The following DSN1 variants were observed in gnomAD, a reference collection of about 807,000 sequenced individuals.
The protein encoded by DSN1 is DSN1 component of MIS12 kinetochore complex, also known as kinetochore-associated protein DSN1 homolog.
A neutral mutation model predicts 45.7 loss-of-function variants in DSN1; 31 were observed. The observed-to-expected ratio is 0.68, with a 90% CI of 0.51 to 0.92. DSN1 has a LOEUF of 0.92. Among genes scored for constraint, DSN1 ranks in the 40% least tolerant of loss-of-function variants. The pLI, the probability that DSN1 is intolerant of heterozygous loss-of-function variation, is 0.00. For missense variants in DSN1, 394 were observed against 414.2 expected (o/e 0.95, Z 0.42); for synonymous variants, 134 against 142.3 (o/e 0.94, Z 0.41).
intron 3 of DSN1, among the ~76,000 whole-genome samples, chr20:36,769,262 C>T (rs1347898317): frequency 6.6e-6 from 1 of 152,152 alleles, no homozygotes; most frequent in Non-Finnish European, 1.5e-5. Flanking sequence ...TCTTTTTGCC[C>T]TCTAGCTTCA....
At chr20:36,754,916 C>G in intron 9 of DSN1, 66 bp from the exon 10 acceptor site, 1 of 1,394,332 alleles carries the variant, frequency 7.2e-7, no homozygotes, top group African/African-American at 1.4e-5. Context: ...TCAAACCTGA[C>G]AAGCAAGCTC....
chr20:36,769,347 C>T (rs991808785), intron 3 of DSN1, among the ~76,000 whole-genome samples: 2 of 152,192 alleles, frequency 1.3e-5, no homozygotes, highest in African/African-American at 4.8e-5. Flanking sequence ...TACTTTCTGC[C>T]TATAACCAAG....
intron 1 of DSN1, 43 bp downstream of exon 1, chr20:36,773,619 G>A: frequency 2.0e-6 from 2 of 985,690 alleles, no homozygotes; most frequent in East Asian, 1.1e-4. Context: ...CAGAGGACAA[G>A]TCTGTGACTT....
intron 9 of DSN1, among the ~76,000 whole-genome samples, chr20:36,755,420 A>G (rs75741305): frequency 0.04 from 6,052 of 152,002 alleles, 444 homozygotes; most frequent in African/African-American, 0.14. Flanking sequence ...ACCTCAGAGG[A>G]GCCTTCAATA....
rs750179726 is a variant in DSN1 at position 36,752,911 on chromosome 20, A to G, written c.962-14T>C. 5.0e-6 allele frequency: 8 copies of G among 1,597,524 alleles called. No homozygotes were observed. Among genetic ancestry groups the G allele is most frequent in the African/African-American group, 2.7e-5 (2 of 74,528 alleles). On this transcript the variant is annotated splice_polypyrimidine_tract_variant and intron_variant, in intron 10 of 10. Coordinates refer to ENST00000373750, the MANE Select transcript of DSN1 (RefSeq NM_001145315.2). ...TGCTTCTCTTTCCTGCAGAGAAAAG[A>G]GGCCAAAAAATAAATTTCAATTGAA...
intron 6 of DSN1, 97 bp downstream of exon 6, chr20:36,762,364 C>T: frequency 9.7e-7 from 1 of 1,031,018 alleles, no homozygotes. Flanking sequence ...CCCACCTCGG[C>T]CTCCCAAAGT....
At chr20:36,758,017 C>T in intron 8 of DSN1, 70 bp downstream of exon 8, 1 of 1,407,262 alleles carries the variant, frequency 7.1e-7, no homozygotes. Flanking sequence ...TTTGTGCTAA[C>T]AGAACTGAAA....
intron 1 of DSN1, among the ~76,000 whole-genome samples, chr20:36,772,579 C>T (rs1047533529): frequency 1.3e-5 from 2 of 152,198 alleles, no homozygotes; most frequent in Non-Finnish European, 2.9e-5. Context: ...CCTGAGCCAC[C>T]ACACCCGGCC....
At chr20:36,767,924 G>T in intron 4 of DSN1, 45 bp downstream of exon 4, 1 of 1,569,040 alleles carries the variant, frequency 6.4e-7, no homozygotes, top group Non-Finnish European at 8.8e-7. Flanking sequence ...TGTCACAATA[G>T]CAGTTAACAA....
chr20:36,758,125 C>T lies in DSN1; in HGVS notation c.687G>A (p.Leu229=). ...SLERQTWDQL[L]LHYQQEAKEI... ...CTTTAGCCTCCTGCTGGTAGTGAAG[C>T]AAGAGCTGATCCCAAGTCTGACGTT... is the stretch of plus-strand genomic sequence containing the variant. The change falls in exon 8 of 11, where the codon TTG becomes TTA. Residue 229 remains leucine, a synonymous_variant. Coordinates refer to ENST00000373750, the MANE Select transcript of DSN1 (RefSeq NM_001145315.2). The T allele has an allele frequency of 1.2e-6, 2 of 1,614,046 alleles. No homozygotes were observed. Among genetic ancestry groups the T allele is most frequent in the Middle Eastern group, 1.6e-4 (1 of 6,062 alleles).
intron 4 of DSN1, 75 bp downstream of exon 4, chr20:36,767,894 T>G: frequency 6.9e-7 from 1 of 1,453,594 alleles, no homozygotes; most frequent in Non-Finnish European, 9.6e-7. Context: ...AGAGTCAGGC[T>G]CCATCTAAAA....
intron 6 of DSN1, among the ~76,000 whole-genome samples, chr20:36,759,345 G>A: frequency 6.6e-6 from 1 of 152,058 alleles, no homozygotes; most frequent in Non-Finnish European, 1.5e-5. Flanking sequence ...AAACTCCTGG[G>A]CTCAAGTGAT....
intron 9 of DSN1, 81 bp from the exon 10 acceptor site, chr20:36,754,931 T>G: frequency 1.7e-6 from 2 of 1,203,478 alleles, no homozygotes; most frequent in Non-Finnish European, 2.4e-6. Context: ...AAGCTCTTGC[T>G]CAGGAGCTCT....
At position 36,761,705 on chromosome 20, in the gene DSN1, CAAA is replaced by C. The variant is rs1289433616; in HGVS notation, c.590+753_590+755del. On this transcript the variant is annotated intron_variant, in intron 6 of 10. Transcript: ENST00000373750. ...GTGAAACTTCATCTCTAGAAAAATACAAAAAATAAGAACAGGCAGGATGGCTCA... is the reference window on the plus strand; with the variant it reads ...GTGAAACTTCATCTCTAGAAAAATACAAATAAGAACAGGCAGGATGGCTCA... Among the ~76,000 whole-genome samples, 9 of 151,848 alleles carry C rather than the reference CAAA, an allele frequency of 5.9e-5. No individual in the cohort carries two copies. In the East Asian group the frequency reaches 1.7e-3, roughly 29 times the overall value.
chr20:36,771,833 A>G (rs942402401), intron 1 of DSN1, among the ~76,000 whole-genome samples: 1 of 152,144 alleles, frequency 6.6e-6, no homozygotes, highest in Non-Finnish European at 1.5e-5. Context: ...CAAAGTCCTA[A>G]CTGTTTTATA....
chr20:36,764,418 C>T (rs781748122), intron 5 of DSN1, among the ~76,000 whole-genome samples: 1 of 152,058 alleles, frequency 6.6e-6, no homozygotes, highest in Non-Finnish European at 1.5e-5. Flanking sequence ...CAAGTAAGCC[C>T]AAGTTCATGT....
chr20:36,761,795 G>A (rs181259729), intron 6 of DSN1, among the ~76,000 whole-genome samples: 5 of 152,008 alleles, frequency 3.3e-5, no homozygotes, highest in East Asian at 1.9e-4. Context: ...TCAGGAGCTC[G>A]AGACCAGCCT....
intron 8 of DSN1, 144 bp downstream of exon 8, chr20:36,757,943 G>T: frequency 1.4e-6 from 1 of 732,012 alleles, no homozygotes; most frequent in Non-Finnish European, 2.3e-6. Context: ...TGGTCAGAGA[G>T]TGCTAATACA....
chr20:36,763,214 G>A (rs1987098691), intron 5 of DSN1, among the ~76,000 whole-genome samples: 1 of 151,692 alleles, frequency 6.6e-6, no homozygotes, highest in South Asian at 2.1e-4. Flanking sequence ...GACCAGCCAG[G>A]CCAACATGAT....
Sources: gnomAD v4.1 joint callset for allele counts (sites outside exome capture counted in the v4.1 genomes callset) on GRCh38, gnomAD v4.1.1 for gene constraint, MANE v1.5 for transcripts, NCBI Gene and HGNC (gene_info 2026-07-23, HGNC 2026-07-21) for gene names.